Variants in PCDH9 observed in about 807,000 individuals in gnomAD.
PCDH9 encodes protocadherin-9.
PCDH9 carries 24 observed loss-of-function variants against 70.6 expected under a neutral mutation model. The ratio of observed to expected loss-of-function variants is 0.34; its 90% CI spans 0.25 to 0.48. The LOEUF (loss-of-function observed/expected upper bound fraction) is 0.48. Among genes scored for constraint, PCDH9 ranks in the 20% least tolerant of loss-of-function variants. PCDH9 has a pLI of 0.99. For missense variants in PCDH9, 1,281 were observed against 1,503.6 expected (o/e 0.85, Z 2.45); for synonymous variants, 562 against 558.5 (o/e 1.01, Z -0.09).
chr13:67,041,671 A>G (rs2085116563), intron 2 of PCDH9, among the ~76,000 whole-genome samples: 2 of 151,980 alleles, frequency 1.3e-5, no homozygotes, highest in South Asian at 4.2e-4. Flanking sequence ...CTCTACTAAA[A>G]ATACAAAAAA....
intron 4 of PCDH9, among the ~76,000 whole-genome samples, chr13:66,354,861 A>T (rs1456339613): frequency 6.6e-6 from 1 of 152,104 alleles, no homozygotes; most frequent in Non-Finnish European, 1.5e-5. Flanking sequence ...GGCAGACATT[A>T]TTATCACTTT....
At position 66,670,836 on chromosome 13, in the gene PCDH9, T is replaced by C. The variant is rs539480064; in HGVS notation, c.3139-39425A>G. On this transcript the variant is annotated intron_variant, in intron 3 of 4. Coordinates refer to ENST00000377865, the MANE Select transcript of PCDH9 (RefSeq NM_203487.3). ...GTAGAAATGTGAACTTAGTTGGAAA[T>C]AGGGACTTTGGAGATGATTAAGTAA... 3.9e-4 allele frequency among the ~76,000 whole-genome samples: 57 copies of C among 145,042 alleles called. 1 individual carries two copies. The highest frequency in any genetic ancestry group is 1.5e-3 in the African/African-American group (57 of 39,082).
At chr13:67,082,333 G>A (rs1320215117) in intron 2 of PCDH9, among the ~76,000 whole-genome samples, 1 of 152,140 alleles carries the variant, frequency 6.6e-6, no homozygotes, top group Non-Finnish European at 1.5e-5. Flanking sequence ...ATGAATGAAA[G>A]CAAGCAGTAT....
At chr13:66,887,502 T>C (rs774589630) in intron 3 of PCDH9, among the ~76,000 whole-genome samples, 58 of 152,200 alleles carry the variant, frequency 3.8e-4, no homozygotes, top group Non-Finnish European at 7.3e-4. Context: ...TTTTGAAATT[T>C]TCAAACAAAG....
intron 2 of PCDH9, chr13:67,211,779 A>G (rs890929009): frequency 6.6e-6 from 1 of 152,152 alleles, no homozygotes; most frequent in African/African-American, 2.4e-5. Context: ...ACTTGATAAA[A>G]TCAGAACCAT....
At chr13:66,534,489 T>C (rs553945409) in intron 4 of PCDH9, among the ~76,000 whole-genome samples, 5 of 152,066 alleles carry the variant, frequency 3.3e-5, no homozygotes, top group African/African-American at 9.6e-5. Flanking sequence ...CTCTCAGGGG[T>C]CCCTTCTATA....
At chr13:66,370,045 G>C (rs1464185952) in intron 4 of PCDH9, among the ~76,000 whole-genome samples, 1 of 152,016 alleles carries the variant, frequency 6.6e-6, no homozygotes, top group Non-Finnish European at 1.5e-5. Context: ...AATATCCACT[G>C]GTCCCAAGAA....
At chr13:66,546,595 G>C (rs1427126423) in intron 4 of PCDH9, among the ~76,000 whole-genome samples, 1 of 152,050 alleles carries the variant, frequency 6.6e-6, no homozygotes, top group Non-Finnish European at 1.5e-5. Flanking sequence ...AGTAAACTGA[G>C]GTTAATTTAT....
intron 4 of PCDH9, among the ~76,000 whole-genome samples, chr13:66,400,068 C>T (rs1011057742): frequency 1.3e-5 from 2 of 152,184 alleles, no homozygotes; most frequent in African/African-American, 4.8e-5. Flanking sequence ...GCTCCATACT[C>T]GCTCACACTC....
chr13:66,590,041 A>G (rs1194244362), intron 4 of PCDH9, among the ~76,000 whole-genome samples: 1 of 152,028 alleles, frequency 6.6e-6, no homozygotes, highest in Admixed American at 6.6e-5. Flanking sequence ...TGGCTGCCTT[A>G]TTGGCCAAAA....
chr13:66,745,390 C>T (rs1049808613), intron 3 of PCDH9, among the ~76,000 whole-genome samples: 4 of 152,098 alleles, frequency 2.6e-5, no homozygotes, highest in African/African-American at 4.8e-5. Context: ...AAAATGTGAC[C>T]GGAATAATAT....
intron 4 of PCDH9, among the ~76,000 whole-genome samples, chr13:66,599,186 T>C (rs994819493): frequency 6.6e-6 from 1 of 151,818 alleles, no homozygotes; most frequent in Non-Finnish European, 1.5e-5. Flanking sequence ...TTGTTCATAA[T>C]ATAAATTGAG....
At chr13:66,736,570 T>A (rs139295828) in intron 3 of PCDH9, among the ~76,000 whole-genome samples, 20 of 152,286 alleles carry the variant, frequency 1.3e-4, no homozygotes, top group African/African-American at 4.6e-4. Context: ...CATTTTACTA[T>A]GGCAGCCCTA....
intron 4 of PCDH9, among the ~76,000 whole-genome samples, chr13:66,330,322 ATCT>A (rs1955920962): frequency 6.6e-6 from 1 of 152,248 alleles, no homozygotes; most frequent in African/African-American, 2.4e-5. Flanking sequence ...AAGTGGGGAG[ATCT>A]TCTGTTTCCT....
chr13:66,584,521 ATAAG>A (rs2076937063), intron 4 of PCDH9, among the ~76,000 whole-genome samples: 1 of 152,206 alleles, frequency 6.6e-6, no homozygotes, highest in Non-Finnish European at 1.5e-5. Flanking sequence ...CAATCCTTAA[ATAAG>A]TGATTCATTT....
At chr13:66,742,559 C>A (rs1462508173) in intron 3 of PCDH9, among the ~76,000 whole-genome samples, 1 of 146,090 alleles carries the variant, frequency 6.8e-6, no homozygotes, top group African/African-American at 2.6e-5. Flanking sequence ...AACAGGTAAC[C>A]TACAACATGG....
At chr13:66,353,546 C>T (rs1486707225) in intron 4 of PCDH9, among the ~76,000 whole-genome samples, 1 of 152,068 alleles carries the variant, frequency 6.6e-6, no homozygotes, top group Non-Finnish European at 1.5e-5. Context: ...TCTTGGTGCT[C>T]AAGAGGCAAA....
chr13:67,194,369 T>G (rs900426207), intron 2 of PCDH9, among the ~76,000 whole-genome samples: 1 of 36,498 alleles, frequency 2.7e-5, no homozygotes, highest in Non-Finnish European at 9.0e-5. Context: ...AACTTTTATC[T>G]TTTTTTTTTT....
intron 3 of PCDH9, among the ~76,000 whole-genome samples, chr13:66,727,847 A>G (rs1013129835): frequency 1.3e-5 from 2 of 152,146 alleles, no homozygotes; most frequent in South Asian, 4.1e-4. Flanking sequence ...ATCATATCTA[A>G]ATTAAATGAT....
Sources: allele counts gnomAD v4.1 joint callset (sites outside exome capture counted in the v4.1 genomes callset), GRCh38; gene constraint gnomAD v4.1.1; transcripts MANE v1.5; gene names NCBI Gene and HGNC (gene_info 2026-07-23, HGNC 2026-07-21).